Variants in CMC1 observed in about 807,000 individuals in gnomAD.
The protein encoded by CMC1 is COX assembly mitochondrial protein homolog.
A neutral mutation model predicts 14.1 loss-of-function variants in CMC1; 14 were observed. The observed-to-expected ratio is 0.99, with a 90% CI of 0.66 to 1.55. The LOEUF (loss-of-function observed/expected upper bound fraction) is 1.55, where lower values mean the gene tolerates loss of function less well. Among genes scored for constraint, CMC1 ranks in the 40% most tolerant of loss-of-function variants. The pLI, the probability that CMC1 is intolerant of heterozygous loss-of-function variation, is 0.00. For missense variants in CMC1, 127 were observed against 123.8 expected, an observed-to-expected ratio of 1.03 and a Z score of -0.12; for synonymous variants, 50 against 38.4, an observed-to-expected ratio of 1.30 and a Z score of -1.12.
intron 2 of CMC1, among the ~76,000 whole-genome samples, chr3:28,280,927 A>C (rs1204593741): frequency 1.3e-5 from 2 of 152,342 alleles, no homozygotes; most frequent in African/African-American, 4.8e-5. Flanking sequence ...TTGTTTTGGA[A>C]CACAGCCATG....
intron 1 of CMC1, among the ~76,000 whole-genome samples, chr3:28,249,713 A>G (rs980344028): frequency 6.6e-6 from 1 of 152,178 alleles, no homozygotes; most frequent in African/African-American, 2.4e-5. Context: ...TGGTACCAAA[A>G]TCTGTCTTAG....
rs1698527621 is a variant in CMC1, at chr3:28,241,773, C to T, written c.-21C>T. On this transcript the variant is annotated 5_prime_UTR_variant, in exon 1 of 4. It adds an upstream start codon to the 5' untranslated region. Coordinates refer to ENST00000466830, the MANE Select transcript of CMC1 (RefSeq NM_182523.2). The stretch of plus-strand genomic sequence containing the variant: ...GTGCCCCGGAGCCGCCAAGCGGCTA[C>T]GTTCTTCTCGGCCCGCCGAGATGGC... 12 of 1,241,454 alleles carry T rather than the reference C, an allele frequency of 9.7e-6. No homozygotes were observed. The highest frequency in any genetic ancestry group is 4.2e-5 in the Admixed American group (1 of 23,738). The allele number at this position is 1,241,454 out of a possible 1,614,324, so 76.9% of individuals were successfully genotyped here. A position where few individuals can be genotyped will look rare whatever the true frequency, so the allele number is the denominator to read the frequency against.
chr3:28,247,411 A>T (rs368117794), intron 1 of CMC1, among the ~76,000 whole-genome samples: 2 of 152,198 alleles, frequency 1.3e-5, no homozygotes, highest in African/African-American at 4.8e-5. Flanking sequence ...TAACCTAATC[A>T]GCTCTGGTGT....
chr3:28,301,641 A>T (rs59744581), intron 2 of CMC1, among the ~76,000 whole-genome samples: 31,796 of 135,170 alleles, frequency 0.24, 4,012 homozygotes, highest in Middle Eastern at 0.31. Flanking sequence ...TTTTTTTTTT[A>T]AAAAAATAGG....
At chr3:28,245,274 A>G (rs1254723223) in intron 1 of CMC1, among the ~76,000 whole-genome samples, 1 of 152,118 alleles carries the variant, frequency 6.6e-6, no homozygotes, top group East Asian at 1.9e-4. Context: ...TTTTATTTAC[A>G]TTATTTTCCT....
intron 2 of CMC1, among the ~76,000 whole-genome samples, chr3:28,283,551 C>CAAAAAAA (rs5847510): frequency 4.2e-4 from 50 of 118,044 alleles, no homozygotes; most frequent in East Asian, 5.6e-4. Flanking sequence ...ACAACAAAAA[C>CAAAAAAA]AAAAAAAAAA....
Position 28,324,025 on chromosome 3 carries a change from C to T in CMC1, c.*4396C>T, listed in dbSNP as rs773367063. 17 of 1,584,034 alleles carry T rather than the reference C, an allele frequency of 1.1e-5. No individual in the cohort carries two copies. The highest frequency in any genetic ancestry group is 3.4e-5 in the South Asian group (3 of 88,462). On this transcript the variant is annotated 3_prime_UTR_variant, in exon 4 of 4. Coordinates refer to ENST00000466830, the MANE Select transcript of CMC1 (RefSeq NM_182523.2). ...GAGATAAGTGTCCTCATGGTGAAAT[C>T]GTGAATCTCTTCCAAATTAATTCTT...
At position 28,314,862 on chromosome 3, in the gene CMC1, C is replaced by T. The variant is rs544877751; in HGVS notation, c.110-1471C>T. On this transcript the variant is annotated intron_variant, in intron 2 of 3. Coordinates refer to ENST00000466830, the MANE Select transcript of CMC1 (RefSeq NM_182523.2). ...ATAATTATGTATTTTCATGGACACT[C>T]CTAAGATTATCTGTCTAAGACAATT... The T allele has an allele frequency of 2.0e-5, 3 of 152,174 alleles. No homozygotes were observed. The South Asian group carries it at 6.2e-4, about 32-fold the overall frequency. 9.4% of individuals were successfully genotyped at this position (152,174 alleles called of 1,614,324 possible).
chr3:28,270,678 A>G (rs141801394), intron 2 of CMC1, among the ~76,000 whole-genome samples: 1 of 152,014 alleles, frequency 6.6e-6, no homozygotes, highest in Non-Finnish European at 1.5e-5. Flanking sequence ...TAGATTGCCA[A>G]AATTTTCTCC....
chr3:28,308,554 G>A (rs960392388), intron 2 of CMC1, among the ~76,000 whole-genome samples: 3 of 152,248 alleles, frequency 2.0e-5, no homozygotes, highest in Middle Eastern at 3.4e-3. Context: ...AGCTTTACAC[G>A]AAGATCAAAT....
At chr3:28,314,977 AC>A (rs1702819023) in intron 2 of CMC1, 1 of 152,228 alleles carries the variant, frequency 6.6e-6, no homozygotes, top group Admixed American at 6.5e-5. Flanking sequence ...TTTCAAAGTT[AC>A]AAAAGATATT....
chr3:28,310,795 C>T (rs1577094671), intron 2 of CMC1, among the ~76,000 whole-genome samples: 1 of 152,316 alleles, frequency 6.6e-6, no homozygotes, highest in East Asian at 1.9e-4. Flanking sequence ...TTGTGGAAGA[C>T]ACTTTTCCAG....
intron 1 of CMC1, among the ~76,000 whole-genome samples, chr3:28,257,121 ATGAG>A (rs1371514983): frequency 2.0e-5 from 3 of 152,232 alleles, no homozygotes; most frequent in Non-Finnish European, 4.4e-5. Flanking sequence ...ATCTCCCACT[ATGAG>A]TGCAGATTTC....
In CMC1 at chr3:28,322,160, C is replaced by CTT. The variant is rs1261609323; in HGVS notation, c.*2533_*2534dup. On this transcript the variant is annotated 3_prime_UTR_variant, in exon 4 of 4. Coordinates refer to ENST00000466830, the MANE Select transcript of CMC1 (RefSeq NM_182523.2). ...AACCTTATACATCATTTGTCTAACA[C>CTT]TTTAAACTGTCACAGTCACTGACTT... 4.0e-5 allele frequency: 6 copies of CTT among 151,194 alleles called. No homozygotes were observed. The highest frequency in any genetic ancestry group is 1.5e-4 in the African/African-American group (6 of 41,326). 9.4% of individuals were successfully genotyped at this position (151,194 alleles called of 1,614,324 possible).
rs1201555868 is a variant in CMC1, at chr3:28,324,307, C to T, written c.*4678C>T. On this transcript the variant is annotated 3_prime_UTR_variant, in exon 4 of 4. Coordinates refer to ENST00000466830, the MANE Select transcript of CMC1 (RefSeq NM_182523.2). ...TTTCTCTGATAAAACCTTTACATCT[C>T]CTGGTAAAGGGGAAGATGTGGTATG... The T allele has an allele frequency of 3.1e-6, 5 of 1,606,812 alleles. No homozygotes were observed. The African/African-American group carries it at 4.0e-5, about 13-fold the overall frequency.
chr3:28,273,992 A>G (rs35460328), intron 2 of CMC1, among the ~76,000 whole-genome samples: 30,106 of 152,042 alleles, frequency 0.2, 3,320 homozygotes, highest in Middle Eastern at 0.28. Flanking sequence ...CTTGGCATGT[A>G]AAGTGGGTCT....
intron 2 of CMC1, among the ~76,000 whole-genome samples, chr3:28,266,094 C>A (rs1699990688): frequency 6.6e-6 from 1 of 152,086 alleles, no homozygotes; most frequent in Non-Finnish European, 1.5e-5. Context: ...GTTCTGTCTT[C>A]ATTTTAATTT....
chr3:28,306,485 G>A (rs1045580109), intron 2 of CMC1, among the ~76,000 whole-genome samples: 8 of 151,958 alleles, frequency 5.3e-5, no homozygotes, highest in Non-Finnish European at 1.0e-4. Context: ...CAGCTTGAAC[G>A]TTACTGGTGT....
At chr3:28,297,340 C>T (rs1341227767) in intron 2 of CMC1, among the ~76,000 whole-genome samples, 1 of 151,952 alleles carries the variant, frequency 6.6e-6, no homozygotes, top group Admixed American at 6.6e-5. Context: ...CCATCTGAAT[C>T]CCTGTTGAAA....
Sources: gnomAD v4.1 joint callset for allele counts (sites outside exome capture counted in the v4.1 genomes callset) on GRCh38, gnomAD v4.1.1 for gene constraint, MANE v1.5 for transcripts, NCBI Gene and HGNC (gene_info 2026-07-23, HGNC 2026-07-21) for gene names.